The following CCDC144A variants were observed in gnomAD, a reference collection of about 807,000 sequenced individuals.
The protein encoded by CCDC144A is coiled-coil domain-containing protein 144A.
CCDC144A carries 41 observed loss-of-function variants against 143.8 expected under a neutral mutation model. That is an observed-to-expected ratio of 0.29 (90% CI 0.22 to 0.37). The LOEUF (loss-of-function observed/expected upper bound fraction) is 0.37. Among genes scored for constraint, CCDC144A ranks in the 10% least tolerant of loss-of-function variants. The pLI, the probability that CCDC144A is intolerant of heterozygous loss-of-function variation, is 1.00. For missense variants in CCDC144A, 637 were observed against 1,488.8 expected, an observed-to-expected ratio of 0.43 and a Z score of 9.41; for synonymous variants, 242 against 517.9, an observed-to-expected ratio of 0.47 and a Z score of 7.23.
chr17:16,747,553 G>A (rs1188370031), intron 12 of CCDC144A, among the ~76,000 whole-genome samples: 1 of 151,434 alleles, frequency 6.6e-6, no homozygotes, highest in Non-Finnish European at 1.5e-5. Context: ...CATGAGCATG[G>A]AATGTTTTGC....
rs71214836 is a variant in CCDC144A at position 16,733,868 on chromosome 17, T to C, written c.2419-822T>C. Among the ~76,000 whole-genome samples, 7 of 152,242 alleles carry C rather than the reference T, an allele frequency of 4.6e-5. No individual in the cohort carries two copies. In the East Asian group the frequency reaches 1.3e-3, roughly 29 times the overall value. ...GTGCTTGGTACAAGGCCAGGTGCAG[T>C]GGCTCACGCCTGTAATCCCAACACT... On this transcript the variant is annotated intron_variant, in intron 11 of 16. Transcript: ENST00000399273.
At chr17:16,674,384 A>G in the CCDC144A span, among the ~76,000 whole-genome samples, 1 of 152,136 alleles carries the variant, frequency 6.6e-6, no homozygotes, top group African/African-American at 2.4e-5. Context: ...CTAACAGATG[A>G]TAAATATTTA....
intron 12 of CCDC144A, among the ~76,000 whole-genome samples, chr17:16,756,537 C>G (rs977863638): frequency 2.7e-5 from 4 of 148,518 alleles, no homozygotes; most frequent in Non-Finnish European, 5.9e-5. Flanking sequence ...TTTGTATTAC[C>G]TATCTTTCCT....
chr17:16,679,136 C>G, the CCDC144A span, among the ~76,000 whole-genome samples: 1 of 151,922 alleles, frequency 6.6e-6, no homozygotes, highest in African/African-American at 2.4e-5. Context: ...AACTCCTGGC[C>G]TCAAGTGATT....
At chr17:16,683,807 G>A in the CCDC144A span, 1 of 1,440,722 alleles carries the variant, frequency 6.9e-7, no homozygotes, top group Non-Finnish European at 9.8e-7. Context: ...GAAGCCGAGC[G>A]TGAAGCCGAG....
chr17:16,686,896 T>C (rs1467317711), upstream of CCDC144A, among the ~76,000 whole-genome samples: 1 of 151,860 alleles, frequency 6.6e-6, no homozygotes, highest in Non-Finnish European at 1.5e-5. Flanking sequence ...GCACAGCAGC[T>C]AGTAGGCTCC....
the CCDC144A span, among the ~76,000 whole-genome samples, chr17:16,675,484 G>A: frequency 6.6e-6 from 1 of 150,524 alleles, no homozygotes; most frequent in South Asian, 2.1e-4. Flanking sequence ...AATGCTTACA[G>A]CTTCCCACAC....
intron 2 of CCDC144A, among the ~76,000 whole-genome samples, chr17:16,702,208 T>C (rs1346920871): frequency 1.3e-5 from 2 of 152,160 alleles, no homozygotes; most frequent in Non-Finnish European, 2.9e-5. Context: ...TCATATATAT[T>C]TTTCTTACCA....
intron 6 of CCDC144A, among the ~76,000 whole-genome samples, chr17:16,718,822 A>G (rs1480133898): frequency 7.8e-6 from 1 of 127,588 alleles, no homozygotes; most frequent in African/African-American, 3.4e-5. Context: ...TTACTTCTGG[A>G]TTATAAAGTG....
intron 12 of CCDC144A, chr17:16,746,859 C>T (rs1207594108): frequency 1.3e-6 from 1 of 743,134 alleles, no homozygotes; most frequent in Non-Finnish European, 2.3e-6. Flanking sequence ...CCCGCCCCTC[C>T]CTCCTCTCCC....
chr17:16,669,074 A>C, the CCDC144A span, among the ~76,000 whole-genome samples: 3 of 152,280 alleles, frequency 2.0e-5, no homozygotes, highest in African/African-American at 7.2e-5. Flanking sequence ...ATTTTGGAGG[A>C]ATATCATAAT....
chr17:16,688,483 T>TG (rs1910863027), upstream of CCDC144A, among the ~76,000 whole-genome samples: 2 of 108,060 alleles, frequency 1.9e-5, no homozygotes, highest in Non-Finnish European at 3.6e-5. Flanking sequence ...TTTCTTTTTC[T>TG]GTTTTTTTTT....
At chr17:16,760,160 A>C (rs892656542) in intron 12 of CCDC144A, among the ~76,000 whole-genome samples, 1 of 151,980 alleles carries the variant, frequency 6.6e-6, no homozygotes, top group Non-Finnish European at 1.5e-5. Context: ...GACTTTTTGT[A>C]ACCAACTTTA....
At chr17:16,694,286 A>G (rs1350647319) in intron 2 of CCDC144A, among the ~76,000 whole-genome samples, 1 of 152,230 alleles carries the variant, frequency 6.6e-6, no homozygotes, top group Non-Finnish European at 1.5e-5. Flanking sequence ...AAATGGCAAT[A>G]AGAACTGTGA....
In CCDC144A at chr17:16,714,728, C is replaced by T. The variant is rs945396041; in HGVS notation, c.1715+2913C>T. Reference sequence around the variant, plus strand: ...TAAGTCAGATGATGTCATTCTTCTGCTCAGATCCATCTGATTGCCTCCCAT... The same window carrying T: ...TAAGTCAGATGATGTCATTCTTCTGTTCAGATCCATCTGATTGCCTCCCAT... On this transcript the variant is annotated intron_variant, in intron 6 of 16. Transcript: ENST00000399273. Among the ~76,000 whole-genome samples, 17 of 151,984 alleles carry T rather than the reference C, an allele frequency of 1.1e-4. 1 individual carries two copies. The highest frequency in any genetic ancestry group is 8.5e-4 in the Admixed American group (13 of 15,266).
chr17:16,734,122 G>A (rs1345757466), intron 11 of CCDC144A, among the ~76,000 whole-genome samples: 3 of 146,782 alleles, frequency 2.0e-5, no homozygotes, highest in Non-Finnish European at 4.4e-5. Flanking sequence ...CCTGAGTGAT[G>A]GAGTGGAGAC....
chr17:16,680,287 G>C, the CCDC144A span, among the ~76,000 whole-genome samples: 2 of 151,994 alleles, frequency 1.3e-5, no homozygotes, highest in Admixed American at 1.3e-4. Context: ...AAATTGGCCA[G>C]GCATGGTGGC....
Position 16,761,167 on chromosome 17 carries a change from TA to T in CCDC144A, c.3373-252del, listed in dbSNP as rs549582674. On this transcript the variant is annotated intron_variant, in intron 12 of 16. Transcript: ENST00000399273. ...ACGGTGAAACCCCATCTACTAAAAA[TA>T]AAAAATAAATTAAAAAAAATTTAGC... Among the ~76,000 whole-genome samples, 40 of 151,830 alleles carry T rather than the reference TA, an allele frequency of 2.6e-4. No homozygotes were observed. The East Asian group carries it at 6.0e-3, about 23-fold the overall frequency.
intron 5 of CCDC144A, among the ~76,000 whole-genome samples, chr17:16,709,850 C>T (rs1912292678): frequency 6.6e-6 from 1 of 152,176 alleles, no homozygotes; most frequent in African/African-American, 2.4e-5. Flanking sequence ...TGTCAGTCTT[C>T]CAAGTGGCGT....
Sources: allele counts gnomAD v4.1 joint callset (sites outside exome capture counted in the v4.1 genomes callset), GRCh38; gene constraint gnomAD v4.1.1; transcripts MANE v1.5; gene names NCBI Gene and HGNC (gene_info 2026-07-23, HGNC 2026-07-21).